The following PRKAR1A variants were observed in gnomAD, a reference collection of about 807,000 sequenced individuals.
PRKAR1A encodes protein kinase cAMP-dependent type I regulatory subunit alpha.
Under a neutral mutation model 52.0 loss-of-function variants are expected in PRKAR1A, and 3 were observed. The ratio of observed to expected loss-of-function variants is 0.06; its 90% CI spans 0.03 to 0.15. The LOEUF is 0.15. PRKAR1A is among the 10% of genes least tolerant of loss of function. The pLI is 1.00. For synonymous variants in PRKAR1A, 188 were observed against 168.4 expected (o/e 1.12, Z -0.90); for missense variants, 240 against 477.4 (o/e 0.50, Z 4.63).
chr17:68,507,967 A>AT (rs894757099), upstream of PRKAR1A, among the ~76,000 whole-genome samples: 47 of 149,910 alleles, frequency 3.1e-4, no homozygotes, highest in South Asian at 6.4e-4. Context: ...CTGTGAATGT[A>AT]TTTTTTTTTT....
chr17:68,448,615 CAGAA>C, the PRKAR1A span, among the ~76,000 whole-genome samples: 1 of 152,080 alleles, frequency 6.6e-6, no homozygotes, highest in Non-Finnish European at 1.5e-5. Flanking sequence ...ATATACCAGA[CAGAA>C]AGAGAGAAAT....
the PRKAR1A span, among the ~76,000 whole-genome samples, chr17:68,500,963 A>G: frequency 6.6e-6 from 1 of 152,178 alleles, no homozygotes; most frequent in Non-Finnish European, 1.5e-5. Flanking sequence ...CATTCTGTAT[A>G]TTTTCCCTGT....
the PRKAR1A span, among the ~76,000 whole-genome samples, chr17:68,486,490 CTTCCTTCCTTCCTTCCTTCTTTCTTTCT>C: frequency 0.031 from 2,089 of 67,470 alleles, 17 homozygotes; most frequent in Admixed American, 0.05. Context: ...TCCTTCCTTC[CTTCCTTCCTTCCTTCCTTCTTTCTTTCT>C]TTCTTTCTTT....
chr17:68,495,145 G>C, the PRKAR1A span, among the ~76,000 whole-genome samples: 1 of 152,086 alleles, frequency 6.6e-6, no homozygotes, highest in East Asian at 1.9e-4. Flanking sequence ...TCCCGCTTCA[G>C]CCTCCCGAGT....
chr17:68,537,593 T>C (rs747927473), downstream of PRKAR1A: 2 of 1,613,602 alleles, frequency 1.2e-6, no homozygotes, highest in Non-Finnish European at 1.7e-6. This position sits in a 1 kb window ranked among gnomAD's most constrained non-coding sequence, Gnocchi z 4.2. Flanking sequence ...CTTAGGATGG[T>C]TTGGAGCCTT....
At chr17:68,488,384 A>G in the PRKAR1A span, among the ~76,000 whole-genome samples, 144 of 152,196 alleles carry the variant, frequency 9.5e-4, no homozygotes, top group African/African-American at 3.4e-3. Flanking sequence ...GCTTTGACCT[A>G]TGAAATGAGA....
At chr17:68,541,122 G>C (rs767826003) in intron 11 of PRKAR1A, 13 of 974,130 alleles carry the variant, frequency 1.3e-5, no homozygotes, top group East Asian at 2.7e-5. Flanking sequence ...GACGCGTAAG[G>C]CTGCATATTC....
At chr17:68,525,026 A>AC in intron 6 of PRKAR1A, 68 bp downstream of exon 6, 1 of 1,303,484 alleles carries the variant, frequency 7.7e-7, no homozygotes, top group Non-Finnish European at 1.1e-6. Flanking sequence ...TCCGAGCAAT[A>AC]AGAATAGTGA....
chr17:68,543,663 G>T (rs1327573200), intron 11 of PRKAR1A: 1 of 1,614,130 alleles, frequency 6.2e-7, no homozygotes, highest in East Asian at 2.2e-5. Flanking sequence ...TCAGCATTGT[G>T]TCTCTGAAAG....
the PRKAR1A span, among the ~76,000 whole-genome samples, chr17:68,473,259 T>G: frequency 0.79 from 120,115 of 152,090 alleles, 47,919 homozygotes; most frequent in African/African-American, 0.86. Context: ...TAAAATTAAG[T>G]CTGGGCACAA....
the PRKAR1A span, among the ~76,000 whole-genome samples, chr17:68,503,343 T>C: frequency 6.6e-6 from 1 of 152,326 alleles, no homozygotes; most frequent in African/African-American, 2.4e-5. Context: ...ACTTTTGCCA[T>C]GTGATCCAGA....
chr17:68,439,813 T>C, the PRKAR1A span, among the ~76,000 whole-genome samples: 1 of 152,200 alleles, frequency 6.6e-6, no homozygotes, highest in South Asian at 2.1e-4. Context: ...GCTACCGTGA[T>C]ATAGAGGTCT....
chr17:68,522,539 A>C (rs1354572918), intron 2 of PRKAR1A, among the ~76,000 whole-genome samples: 1 of 152,202 alleles, frequency 6.6e-6, no homozygotes, highest in Non-Finnish European at 1.5e-5. Flanking sequence ...CCCATTAATA[A>C]AGGATAGCAT....
chr17:68,540,700 C>G (rs1047314452), intron 11 of PRKAR1A: 1 of 992,628 alleles, frequency 1.0e-6, no homozygotes, highest in Non-Finnish European at 1.5e-6. Context: ...CTTCTGTCCT[C>G]TGGGACCTCC....
chr17:68,498,797 G>T, the PRKAR1A span, among the ~76,000 whole-genome samples: 1 of 152,174 alleles, frequency 6.6e-6, no homozygotes, highest in Non-Finnish European at 1.5e-5. Flanking sequence ...TTTCAGTCTT[G>T]TTATTGGCAT....
chr17:68,520,704 A>G (rs561035531), intron 2 of PRKAR1A, among the ~76,000 whole-genome samples: 2 of 152,344 alleles, frequency 1.3e-5, no homozygotes, highest in South Asian at 2.1e-4. Flanking sequence ...AGATTAGGTT[A>G]TATTCAGATT....
chr17:68,539,639 T>C (rs1004079340), intron 11 of PRKAR1A, among the ~76,000 whole-genome samples: 3 of 152,238 alleles, frequency 2.0e-5, no homozygotes, highest in Non-Finnish European at 4.4e-5. Flanking sequence ...AGGATGCACC[T>C]TGCTCTCGAA....
chr17:68,460,524 T>A, the PRKAR1A span, among the ~76,000 whole-genome samples: 1 of 152,200 alleles, frequency 6.6e-6, no homozygotes, highest in Admixed American at 6.5e-5. Flanking sequence ...CCTCAGCCTT[T>A]CCTGTGAATG....
At chr17:68,444,410 G>A in the PRKAR1A span, 316 of 1,314,624 alleles carry the variant, frequency 2.4e-4, no homozygotes, top group Middle Eastern at 5.5e-4. Context: ...CTTCACGTTC[G>A]CAATTTGGAG....
Sources: allele counts gnomAD v4.1 joint callset (sites outside exome capture counted in the v4.1 genomes callset), GRCh38; gene constraint gnomAD v4.1.1; non-coding constraint Gnocchi (gnomAD v3.1); transcripts MANE v1.5; gene names NCBI Gene and HGNC (gene_info 2026-07-23, HGNC 2026-07-21).